Variants in GRAMD2B observed in about 807,000 individuals in gnomAD.
GRAMD2B encodes the protein GRAM domain-containing protein 2B.
GRAMD2B carries 41 observed loss-of-function variants against 59.2 expected under a neutral mutation model. That is an observed-to-expected ratio of 0.69 (90% CI 0.54 to 0.90). The LOEUF (loss-of-function observed/expected upper bound fraction) is 0.90, where lower values mean the gene tolerates loss of function less well. Ranked by LOEUF, GRAMD2B falls within the 40% of genes least tolerant of loss-of-function variation. The pLI, the probability that GRAMD2B is intolerant of heterozygous loss-of-function variation, is 0.00. For synonymous variants in GRAMD2B, 161 were observed against 182.7 expected (o/e 0.88, Z 0.96); for missense variants, 424 against 500.5 (o/e 0.85, Z 1.46).
chr5:126,396,245 G>A (rs1757350888), intron 1 of GRAMD2B, among the ~76,000 whole-genome samples: 1 of 151,952 alleles, frequency 6.6e-6, no homozygotes, highest in African/African-American at 2.4e-5. Context: ...CTATGACATG[G>A]GGGTTTGTTG....
intron 1 of GRAMD2B, among the ~76,000 whole-genome samples, chr5:126,425,847 G>A (rs1377649112): frequency 4.6e-5 from 7 of 152,110 alleles, no homozygotes; most frequent in South Asian, 4.1e-4. Flanking sequence ...GTTTCCAGGC[G>A]CTGGAAGGTA....
intron 8 of GRAMD2B, among the ~76,000 whole-genome samples, chr5:126,482,791 C>A (rs1341084750): frequency 3.9e-5 from 6 of 152,182 alleles, no homozygotes; most frequent in Non-Finnish European, 5.9e-5. Flanking sequence ...CTAATTGTAC[C>A]TTTGCCAGGA....
chr5:126,389,759 C>T (rs1756543860), intron 1 of GRAMD2B, among the ~76,000 whole-genome samples: 1 of 152,024 alleles, frequency 6.6e-6, no homozygotes, highest in African/African-American at 2.4e-5. Flanking sequence ...ACCAGCCTGG[C>T]CAACATAGTA....
At chr5:126,467,998 C>G (rs1250743901) in intron 2 of GRAMD2B, among the ~76,000 whole-genome samples, 1 of 152,144 alleles carries the variant, frequency 6.6e-6, no homozygotes, top group Non-Finnish European at 1.5e-5. Flanking sequence ...TCAGATTGTT[C>G]TTAAATCCAC....
chr5:126,465,900 GA>G (rs1428847090), intron 2 of GRAMD2B, among the ~76,000 whole-genome samples: 1 of 152,008 alleles, frequency 6.6e-6, no homozygotes, highest in Non-Finnish European at 1.5e-5. Flanking sequence ...TAGGGGCCGT[GA>G]AAAAAAGCCG....
chr5:126,465,181 C>T (rs1238821218), intron 1 of GRAMD2B: 3 of 1,354,936 alleles, frequency 2.2e-6, no homozygotes, highest in Non-Finnish European at 2.9e-6. Context: ...GACCTGGGAG[C>T]CAGCAAGTCC....
intron 1 of GRAMD2B, among the ~76,000 whole-genome samples, chr5:126,453,979 A>G (rs562597251): frequency 2.0e-5 from 3 of 152,362 alleles, no homozygotes; most frequent in South Asian, 2.1e-4. Context: ...ATTGATAATA[A>G]AGAGATGGAA....
chr5:126,450,695 C>T lies in GRAMD2B; in HGVS notation c.84-14731C>T, dbSNP rs139478019. 1.3e-3 allele frequency among the ~76,000 whole-genome samples: 199 copies of T among 151,252 alleles called. 1 individual carries two copies. The highest frequency in any genetic ancestry group is 4.5e-3 in the African/African-American group (184 of 41,278). ...AAAAAAAAATGTTGCTCACTCTGTC[C>T]CGGCCAGTCTGGCTCTAGCGTCAGC... is the stretch of plus-strand genomic sequence containing the variant. On this transcript the variant is annotated intron_variant, in intron 1 of 13. Transcript: ENST00000285689.
chr5:126,463,369 T>C lies in GRAMD2B; in HGVS notation c.84-2057T>C, dbSNP rs1767712551. Among the ~76,000 whole-genome samples the C allele has an allele frequency of 2.6e-5, 4 of 152,134 alleles. No homozygotes were observed. The South Asian group carries it at 8.3e-4, about 32-fold the overall frequency. ...CAAGTAGATTTCTGCCTGAATCTGT[T>C]GAAGAAAAGAGATAATGTGTTTGTG... On this transcript the variant is annotated intron_variant, in intron 1 of 13. Coordinates refer to ENST00000285689, the MANE Select transcript of GRAMD2B (RefSeq NM_023927.4).
At chr5:126,396,524 C>G (rs1049709908) in intron 1 of GRAMD2B, among the ~76,000 whole-genome samples, 2 of 152,204 alleles carry the variant, frequency 1.3e-5, no homozygotes, top group Admixed American at 1.3e-4. Flanking sequence ...TTTTTTATTA[C>G]TGCATAGTAT....
At chr5:126,492,043 C>A (rs777642888) in intron 13 of GRAMD2B, among the ~76,000 whole-genome samples, 12 of 152,180 alleles carry the variant, frequency 7.9e-5, no homozygotes, top group Non-Finnish European at 1.6e-4. Flanking sequence ...TCTATGAATT[C>A]TTACAAGTTC....
rs553260216 is a variant in GRAMD2B, at chr5:126,417,861, CT to C, written c.125+46295del. 5.8e-3 allele frequency among the ~76,000 whole-genome samples: 889 copies of C among 152,284 alleles called. 6 individuals carry two copies. Among genetic ancestry groups the C allele is most frequent in the Non-Finnish European group, 7.8e-3 (533 of 68,030 alleles). Reference sequence around the variant, plus strand: ...CTCCTACAACCCTAAAAGTACCCCCCTGCAAGTCTGGAAAACTGGATCTTTG... The same window carrying C: ...CTCCTACAACCCTAAAAGTACCCCCCGCAAGTCTGGAAAACTGGATCTTTG... On this transcript the variant is annotated intron_variant, in intron 1 of 8. Coordinates refer to the GRAMD2B transcript ENST00000506445.
intron 1 of GRAMD2B, among the ~76,000 whole-genome samples, chr5:126,373,738 G>A (rs550529543): frequency 6.6e-6 from 1 of 152,288 alleles, no homozygotes; most frequent in African/African-American, 2.4e-5. Context: ...TGGATGGGGT[G>A]GTAAGTAAAG....
intron 1 of GRAMD2B, chr5:126,462,543 G>A: frequency 1.9e-6 from 1 of 524,912 alleles, no homozygotes. Context: ...TTGACTCGTA[G>A]ATGAATTTCA....
At chr5:126,391,319 C>A (rs1417339437) in intron 1 of GRAMD2B, among the ~76,000 whole-genome samples, 113 of 76,294 alleles carry the variant, frequency 1.5e-3, no homozygotes, top group African/African-American at 3.1e-3. Flanking sequence ...GACTCCATCT[C>A]AAAAAAAAAA....
At chr5:126,466,157 G>T in intron 2 of GRAMD2B, 1 of 1,395,910 alleles carries the variant, frequency 7.2e-7, no homozygotes, top group Non-Finnish European at 9.6e-7. Flanking sequence ...GGTGAGTGCA[G>T]TTTATCTAAA....
At chr5:126,482,675 T>C (rs988149586) in intron 8 of GRAMD2B, among the ~76,000 whole-genome samples, 6 of 152,190 alleles carry the variant, frequency 3.9e-5, no homozygotes, top group African/African-American at 1.2e-4. Context: ...GAAATGAGTG[T>C]TGAGATGAAC....
intron 1 of GRAMD2B, among the ~76,000 whole-genome samples, chr5:126,399,046 A>G (rs766739688): frequency 1.4e-4 from 22 of 152,134 alleles, no homozygotes; most frequent in Non-Finnish European, 2.6e-4. Flanking sequence ...TTCCATGTGC[A>G]CTTGTGAAAA....
chr5:126,445,170 A>T (rs1019380192), intron 1 of GRAMD2B, among the ~76,000 whole-genome samples: 1 of 152,120 alleles, frequency 6.6e-6, no homozygotes, highest in African/African-American at 2.4e-5. Context: ...TTGTGCCTGT[A>T]TCTTTATAAC....
Sources: allele counts gnomAD v4.1 joint callset (sites outside exome capture counted in the v4.1 genomes callset), GRCh38; gene constraint gnomAD v4.1.1; transcripts MANE v1.5; gene names NCBI Gene and HGNC (gene_info 2026-07-23, HGNC 2026-07-21).